RARB: variants seen among roughly 807,000 people sequenced by gnomAD.
RARB encodes the protein retinoic acid receptor beta.
A neutral mutation model predicts 51.9 loss-of-function variants in RARB; 17 were observed. The observed-to-expected ratio is 0.33, with a 90% CI of 0.22 to 0.49. The LOEUF is 0.49. Among genes scored for constraint, RARB ranks in the 20% least tolerant of loss-of-function variants. The pLI is 0.99. For missense variants in RARB, 369 were observed against 550.8 expected, an observed-to-expected ratio of 0.67 and a Z score of 3.30; for synonymous variants, 215 against 195.4, an observed-to-expected ratio of 1.10 and a Z score of -0.84.
rs186234975 is a variant in RARB at position 25,584,671 on chromosome 3, G to A, written c.786+3949G>A. Among the ~76,000 whole-genome samples the A allele has an allele frequency of 3.3e-5, 5 of 152,252 alleles. No homozygotes were observed. In the East Asian group the frequency reaches 5.8e-4, roughly 18 times the overall value. Reference sequence around the variant, plus strand: ...AGATCCTGGAGTGGGGCCTGTGATCGTGCACAGATTCTCCTTCTTGGTATC... The same window carrying A: ...AGATCCTGGAGTGGGGCCTGTGATCATGCACAGATTCTCCTTCTTGGTATC... On this transcript the variant is annotated intron_variant, in intron 5 of 7. Transcript: ENST00000330688.
intron 5 of RARB, among the ~76,000 whole-genome samples, chr3:25,293,148 C>G (rs1243564181): frequency 2.0e-5 from 3 of 152,090 alleles, no homozygotes; most frequent in African/African-American, 7.2e-5. Context: ...AATTTTTCGC[C>G]GTATACCTGT....
chr3:24,948,236 TC>T (rs57489905), intron 2 of RARB, among the ~76,000 whole-genome samples: 47,430 of 151,746 alleles, frequency 0.31, 8,288 homozygotes, highest in African/African-American at 0.47. Flanking sequence ...AGGTAGCACA[TC>T]CCCCCTGCCC....
At chr3:25,492,998 T>TTA (rs1250466157) in intron 2 of RARB, among the ~76,000 whole-genome samples, 16 of 151,202 alleles carry the variant, frequency 1.1e-4, no homozygotes, top group African/African-American at 3.6e-4. Context: ...TTTTTTTTTT[T>TTA]AAACAAAAAT....
chr3:24,969,759 G>C (rs1458648158), intron 2 of RARB, among the ~76,000 whole-genome samples: 4 of 152,100 alleles, frequency 2.6e-5, no homozygotes, highest in Non-Finnish European at 5.9e-5. Flanking sequence ...TTCTGCTTCA[G>C]AGCTTTGGAT....
At chr3:25,267,270 C>T (rs1703148781) in intron 5 of RARB, among the ~76,000 whole-genome samples, 1 of 152,102 alleles carries the variant, frequency 6.6e-6, no homozygotes, top group Non-Finnish European at 1.5e-5. Flanking sequence ...TTTTGAGCAG[C>T]TAGTATACAA....
chr3:24,921,911 C>T (rs563252258), intron 2 of RARB, among the ~76,000 whole-genome samples: 2 of 152,310 alleles, frequency 1.3e-5, no homozygotes, highest in East Asian at 1.9e-4. Context: ...AATTTGCTGA[C>T]TTGAAGGCTG....
At chr3:25,313,887 T>C (rs555820900) in intron 5 of RARB, among the ~76,000 whole-genome samples, 10 of 152,114 alleles carry the variant, frequency 6.6e-5, no homozygotes, top group African/African-American at 2.4e-4. Flanking sequence ...CTGGGCAACG[T>C]AGTGAGACCT....
intron 5 of RARB, among the ~76,000 whole-genome samples, chr3:25,347,031 G>A (rs1705416404): frequency 6.6e-6 from 1 of 152,150 alleles, no homozygotes; most frequent in Non-Finnish European, 1.5e-5. Flanking sequence ...TTCAGAAGAG[G>A]GAAGCTTTAA....
chr3:25,497,413 C>CAAATACCACCTCTTCTTTCGCCA (rs529648354), intron 2 of RARB, among the ~76,000 whole-genome samples: 2 of 152,282 alleles, frequency 1.3e-5, no homozygotes, highest in East Asian at 1.9e-4. Context: ...CCTTAGTCTG[C>CAAATACCACCTCTTCTTTCGCCA]AAATACCACC....
At chr3:25,139,152 CACA>C (rs1700074345) in intron 4 of RARB, among the ~76,000 whole-genome samples, 1 of 152,008 alleles carries the variant, frequency 6.6e-6, no homozygotes, top group Non-Finnish European at 1.5e-5. Flanking sequence ...TTCCCTGAGA[CACA>C]ACAATACTGA....
At chr3:25,478,036 G>A (rs1346594576) in intron 2 of RARB, among the ~76,000 whole-genome samples, 1 of 152,174 alleles carries the variant, frequency 6.6e-6, no homozygotes, top group African/African-American at 2.4e-5. Context: ...TGTGGCTTGG[G>A]CCTCCTTACA....
At chr3:25,158,174 T>C (rs1700409921) in intron 4 of RARB, among the ~76,000 whole-genome samples, 1 of 152,202 alleles carries the variant, frequency 6.6e-6, no homozygotes. Flanking sequence ...CTCTGTTTCC[T>C]TACAAACTTT....
At chr3:25,117,673 T>C (rs1699710976) in intron 3 of RARB, among the ~76,000 whole-genome samples, 1 of 152,074 alleles carries the variant, frequency 6.6e-6, no homozygotes, top group Non-Finnish European at 1.5e-5. Context: ...GCAGTGAAGA[T>C]ATAAGTTGCT....
chr3:25,251,981 C>T (rs569432966), intron 5 of RARB, among the ~76,000 whole-genome samples: 1 of 151,816 alleles, frequency 6.6e-6, no homozygotes, highest in Non-Finnish European at 1.5e-5. Flanking sequence ...TAACAGTTTT[C>T]TAGTTTTAGC....
rs1695757586 is a variant in RARB at position 24,945,653 on chromosome 3, C to G, written c.-380+86901C>G. ...TCTTATCCTTGGCGATCCTCTTTGG[C>G]AAGAATTAAAAGGGAATTCCCTTGG... On this transcript the variant is annotated intron_variant, in intron 2 of 11. Transcript: ENST00000383772. Among the ~76,000 whole-genome samples, 3 of 152,216 alleles carry G rather than the reference C, an allele frequency of 2.0e-5. No homozygotes were observed. In the South Asian group the frequency reaches 6.2e-4, roughly 32 times the overall value.
chr3:25,065,045 G>A (rs569044887), intron 3 of RARB, among the ~76,000 whole-genome samples: 3 of 152,230 alleles, frequency 2.0e-5, no homozygotes, highest in South Asian at 2.1e-4. Context: ...GGAGAAGGAA[G>A]TCACTATTAC....
chr3:25,399,421 T>C (rs535967348), intron 5 of RARB, among the ~76,000 whole-genome samples: 7 of 152,290 alleles, frequency 4.6e-5, no homozygotes, highest in Non-Finnish European at 8.8e-5. Flanking sequence ...AGTCACTGGA[T>C]GGGGCTTCTG....
At chr3:25,589,171 C>T (rs1326546026) in intron 5 of RARB, among the ~76,000 whole-genome samples, 1 of 152,120 alleles carries the variant, frequency 6.6e-6, no homozygotes, top group Non-Finnish European at 1.5e-5. Flanking sequence ...GAGGAGGTGA[C>T]ATTTAAGCTG....
chr3:24,887,678 A>C (rs1223015956), intron 2 of RARB, among the ~76,000 whole-genome samples: 1 of 152,172 alleles, frequency 6.6e-6, no homozygotes, highest in Non-Finnish European at 1.5e-5. Flanking sequence ...GATGCACAAT[A>C]TTATGGTTGA....
Sources: gnomAD v4.1 joint callset for allele counts (sites outside exome capture counted in the v4.1 genomes callset) on GRCh38, gnomAD v4.1.1 for gene constraint, MANE v1.5 for transcripts, NCBI Gene and HGNC (gene_info 2026-07-23, HGNC 2026-07-21) for gene names.